Variants in SLC30A8 observed in about 807,000 individuals in gnomAD.
SLC30A8 encodes proton-coupled zinc antiporter SLC30A8.
In SLC30A8, 27 loss-of-function variants were observed where a neutral mutation model predicts 36.9. The ratio of observed to expected loss-of-function variants is 0.73; its 90% CI spans 0.54 to 1.01. SLC30A8 has a LOEUF of 1.01. Ranked by LOEUF, SLC30A8 falls within the 50% of genes least tolerant of loss-of-function variation. The pLI, the probability that SLC30A8 is intolerant of heterozygous loss-of-function variation, is 0.00. For synonymous variants in SLC30A8, 164 were observed against 172.4 expected, an observed-to-expected ratio of 0.95 and a Z score of 0.38; for missense variants, 439 against 452.0, an observed-to-expected ratio of 0.97 and a Z score of 0.26.
intron 1 of SLC30A8, among the ~76,000 whole-genome samples, chr8:117,141,241 C>A (rs1476561692): frequency 2.0e-5 from 3 of 152,060 alleles, no homozygotes; most frequent in Non-Finnish European, 4.4e-5. Flanking sequence ...AACTACAGAA[C>A]AATATCCCTT....
chr8:117,041,551 G>A (rs1218444245), intron 2 of SLC30A8, among the ~76,000 whole-genome samples: 3 of 152,202 alleles, frequency 2.0e-5, no homozygotes, highest in East Asian at 3.9e-4. Context: ...TTAGCTGGGC[G>A]TGGTGGTGGG....
At chr8:117,016,699 G>A (rs1175208562) in intron 1 of SLC30A8, among the ~76,000 whole-genome samples, 1 of 152,126 alleles carries the variant, frequency 6.6e-6, no homozygotes, top group East Asian at 1.9e-4. Flanking sequence ...GAATATACAA[G>A]GAGAGAGATT....
intron 2 of SLC30A8, among the ~76,000 whole-genome samples, chr8:117,082,100 G>C (rs1055014544): frequency 6.6e-6 from 1 of 152,310 alleles, no homozygotes; most frequent in South Asian, 2.1e-4. Flanking sequence ...CTTATTAACT[G>C]TAATTGGTTC....
At chr8:117,015,438 G>GA (rs986824968) in intron 1 of SLC30A8, among the ~76,000 whole-genome samples, 1 of 151,594 alleles carries the variant, frequency 6.6e-6, no homozygotes, top group Non-Finnish European at 1.5e-5. Context: ...TTTGAAGGTG[G>GA]AAAAAAATAT....
chr8:117,151,438 T>C (rs754794527), intron 2 of SLC30A8, among the ~76,000 whole-genome samples: 21 of 152,236 alleles, frequency 1.4e-4, no homozygotes, highest in Non-Finnish European at 2.5e-4. Context: ...AGTCACAAAC[T>C]ACCTCTTGCA....
chr8:116,987,818 C>G (rs1370714981), intron 1 of SLC30A8, among the ~76,000 whole-genome samples: 3 of 152,198 alleles, frequency 2.0e-5, no homozygotes, highest in Non-Finnish European at 4.4e-5. Context: ...GCCTCAGCCT[C>G]CTAAGTAGCT....
chr8:116,957,632 G>A (rs1196557841), intron 1 of SLC30A8, among the ~76,000 whole-genome samples: 1 of 152,122 alleles, frequency 6.6e-6, no homozygotes, highest in Non-Finnish European at 1.5e-5. Context: ...GGGTCAACAT[G>A]ATGCCCCGAG....
intron 1 of SLC30A8, among the ~76,000 whole-genome samples, chr8:116,958,841 ATTTTTTTTTTTT>A (rs758505118): frequency 3.3e-5 from 2 of 60,010 alleles, no homozygotes; most frequent in African/African-American, 6.9e-5. Context: ...TGCTCTTTTC[ATTTTTTTTTTTT>A]TTTTTTTTTT....
At chr8:117,023,018 A>G (rs550671015) in intron 1 of SLC30A8, among the ~76,000 whole-genome samples, 1 of 152,366 alleles carries the variant, frequency 6.6e-6, no homozygotes, top group South Asian at 2.1e-4. Context: ...ATGAACTCCA[A>G]CAAATTTACA....
At chr8:117,019,978 TAA>T (rs937468305) in intron 1 of SLC30A8, among the ~76,000 whole-genome samples, 6 of 152,270 alleles carry the variant, frequency 3.9e-5, no homozygotes, top group African/African-American at 1.2e-4. Flanking sequence ...TTCTGAAGGC[TAA>T]GAGCTTAAGT....
intron 1 of SLC30A8, among the ~76,000 whole-genome samples, chr8:116,991,383 G>A (rs1815636423): frequency 6.6e-6 from 1 of 151,544 alleles, no homozygotes; most frequent in Admixed American, 6.6e-5. Flanking sequence ...TTGGTTCACT[G>A]CAACCTATGC....
intron 6 of SLC30A8, among the ~76,000 whole-genome samples, chr8:117,167,508 T>TATATATACACATAC (rs1823124125): frequency 1.3e-5 from 2 of 151,762 alleles, no homozygotes; most frequent in African/African-American, 4.8e-5. Flanking sequence ...CATACATGTA[T>TATATATACACATAC]ATGTATATGT....
At chr8:117,033,791 G>A (rs560010119) in intron 1 of SLC30A8, among the ~76,000 whole-genome samples, 5 of 152,238 alleles carry the variant, frequency 3.3e-5, no homozygotes, top group African/African-American at 4.8e-5. Flanking sequence ...CTTGAGAAGT[G>A]GGAAAAGGCA....
chr8:117,082,323 A>T (rs1055085054), intron 2 of SLC30A8, among the ~76,000 whole-genome samples: 3 of 152,224 alleles, frequency 2.0e-5, no homozygotes, highest in Non-Finnish European at 4.4e-5. Flanking sequence ...AGTAATGTGT[A>T]TATACAGAGA....
chr8:117,033,349 A>G (rs942534023), intron 1 of SLC30A8, among the ~76,000 whole-genome samples: 40 of 152,244 alleles, frequency 2.6e-4, no homozygotes, highest in African/African-American at 9.4e-4. Flanking sequence ...ATGCCACAAC[A>G]TGGATGAACC....
upstream of SLC30A8, among the ~76,000 whole-genome samples, chr8:117,131,513 G>C (rs1406213162): frequency 3.3e-5 from 5 of 151,976 alleles, no homozygotes; most frequent in Non-Finnish European, 5.9e-5. Context: ...TACTGGTGAG[G>C]GGGTAGAATG....
At chr8:117,154,109 C>T (rs1296883906) in intron 3 of SLC30A8, among the ~76,000 whole-genome samples, 1 of 152,100 alleles carries the variant, frequency 6.6e-6, no homozygotes, top group Admixed American at 6.5e-5. Flanking sequence ...TTAATAAGTT[C>T]TGGGGTACAT....
At chr8:117,131,388 A>C (rs781731811), upstream of SLC30A8, among the ~76,000 whole-genome samples, 1 of 152,044 alleles carries the variant, frequency 6.6e-6, no homozygotes, top group Non-Finnish European at 1.5e-5. Context: ...CTTTATAGTT[A>C]TGTGAGAATG....
intron 1 of SLC30A8, among the ~76,000 whole-genome samples, chr8:116,958,445 A>C (rs1428066885): frequency 6.6e-6 from 1 of 151,934 alleles, no homozygotes; most frequent in African/African-American, 2.4e-5. Flanking sequence ...TATTTTTATT[A>C]AGTATAGACT....
Sources: gnomAD v4.1 joint callset for allele counts (sites outside exome capture counted in the v4.1 genomes callset) on GRCh38, gnomAD v4.1.1 for gene constraint, MANE v1.5 for transcripts, NCBI Gene and HGNC (gene_info 2026-07-23, HGNC 2026-07-21) for gene names.